Variants in ADGRL3 observed in about 807,000 individuals in gnomAD.
The protein encoded by ADGRL3 is calcium-independent alpha-latrotoxin receptor 3.
Under a neutral mutation model 153.5 loss-of-function variants are expected in ADGRL3, and 62 were observed. The observed-to-expected ratio is 0.40, with a 90% confidence interval of 0.33 to 0.50. The LOEUF (loss-of-function observed/expected upper bound fraction) is 0.50, where lower values mean the gene tolerates loss of function less well. ADGRL3 is among the 20% of genes least tolerant of loss of function. The probability of loss-of-function intolerance (pLI) is 0.47; values close to 1 mark genes in which losing one functional copy is unlikely to be tolerated. For synonymous variants in ADGRL3, 710 were observed against 672.5 expected (o/e 1.06, Z -0.86); for missense variants, 1,641 against 1,859.4 (o/e 0.88, Z 2.16).
chr4:61,287,313 T>A, intron 1 of ADGRL3, among the ~76,000 whole-genome samples: 1 of 151,868 alleles, frequency 6.6e-6, no homozygotes, highest in East Asian at 1.9e-4. Flanking sequence ...CCTGCAAGAG[T>A]AAAAATACAT....
At chr4:61,428,882 ATCTATCTAT>A (rs2097317112) in intron 2 of ADGRL3, among the ~76,000 whole-genome samples, 1 of 93,670 alleles carries the variant, frequency 1.1e-5, no homozygotes, top group African/African-American at 3.3e-5. Flanking sequence ...TATATCATCT[ATCTATCTAT>A]ATCATCTATC....
Position 61,391,050 on chromosome 4 carries a change from A to C in ADGRL3, c.-174+7861A>C, listed in dbSNP as rs928025862. Among the ~76,000 whole-genome samples, 8 of 152,300 alleles carry C rather than the reference A, an allele frequency of 5.3e-5. No homozygotes were observed. The South Asian group carries it at 1.4e-3, about 28-fold the overall frequency. On this transcript the variant is annotated intron_variant, in intron 2 of 26. Coordinates refer to ENST00000683033, the MANE Select transcript of ADGRL3 (RefSeq NM_001387552.1). The stretch of plus-strand genomic sequence containing the variant: ...TTCATTTATCTACCTATTGAAAAAC[A>C]CTTGAGTTATTTCTAATTTGTAATG...
chr4:61,698,850 G>T lies in ADGRL3; in HGVS notation c.583+21915G>T, dbSNP rs573045340. Among the ~76,000 whole-genome samples the T allele has an allele frequency of 3.3e-5, 5 of 152,182 alleles. No individual in the cohort carries two copies. In the East Asian group the frequency reaches 9.7e-4, roughly 29 times the overall value. On this transcript the variant is annotated intron_variant, in intron 6 of 26. Coordinates refer to ENST00000683033, the MANE Select transcript of ADGRL3 (RefSeq NM_001387552.1). The stretch of plus-strand genomic sequence containing the variant: ...ATGTAAATAGAAGACTATTCTTAAC[G>T]CTATGGGTGGTATTATTTAATCCAG...
At chr4:61,501,134 T>G (rs2098382490) in intron 3 of ADGRL3, among the ~76,000 whole-genome samples, 1 of 152,168 alleles carries the variant, frequency 6.6e-6, no homozygotes, top group Non-Finnish European at 1.5e-5. Flanking sequence ...ACTGGCTCTG[T>G]AATCCTGTTT....
At chr4:61,779,633 CAAAAAAA>C (rs1174232668) in intron 8 of ADGRL3, among the ~76,000 whole-genome samples, 12 of 42,094 alleles carry the variant, frequency 2.9e-4, no homozygotes, top group South Asian at 1.3e-3. Flanking sequence ...GACTCTGTCT[CAAAAAAA>C]AAAAAAAAAA....
At chr4:61,995,621 G>A (rs897001820) in intron 19 of ADGRL3, among the ~76,000 whole-genome samples, 3 of 152,082 alleles carry the variant, frequency 2.0e-5, no homozygotes, top group Non-Finnish European at 2.9e-5. Flanking sequence ...CCTGAAGAAC[G>A]AAAATGTAAT....
intron 9 of ADGRL3, among the ~76,000 whole-genome samples, chr4:61,838,060 A>T (rs1330562842): frequency 6.6e-6 from 1 of 152,068 alleles, no homozygotes; most frequent in East Asian, 1.9e-4. Flanking sequence ...AAAAAGAAAG[A>T]GAAAGAAAAT....
Position 61,892,910 on chromosome 4 carries a change from A to G in ADGRL3, c.1735A>G (p.Thr579Ala), listed in dbSNP as rs1280293348. The change falls in exon 10 of 27, where the codon ACT (threonine) becomes GCT (alanine). Residue 579 changes from threonine (T) to alanine (A), a missense_variant. Around this residue, in one of 5 missense-constraint regions of ADGRL3, gnomAD observed 734 missense variants for 797.0 expected, o/e 0.92. Transcript: ENST00000683033. Reference sequence around the variant, plus strand: ...AGCCCGAGAAATCATGTGGTTTAAGACTCGTCAAGGACAGATAGCAAAGCA... The same window carrying G: ...AGCCCGAGAAATCATGTGGTTTAAGGCTCGTCAAGGACAGATAGCAAAGCA... ...VEAREIMWFK[T>A]RQGQIAKQPC... 1.3e-6 allele frequency: 2 copies of G among 1,573,882 alleles called. No homozygotes were observed. Among genetic ancestry groups the G allele is most frequent in the Non-Finnish European group, 1.7e-6 (2 of 1,164,728 alleles).
chr4:61,951,943 A>G (rs1396704181), intron 17 of ADGRL3, among the ~76,000 whole-genome samples: 1 of 152,166 alleles, frequency 6.6e-6, no homozygotes, highest in Non-Finnish European at 1.5e-5. Flanking sequence ...AAGGGTGTCT[A>G]GGGCGTAGAC....
rs1561350563 is a variant in ADGRL3 at position 61,847,634 on chromosome 4, TTATATATATAATATAAAATATATTA to T, written c.1480+33754_1480+33778del. Among the ~76,000 whole-genome samples the T allele has an allele frequency of 3.5e-4, 15 of 42,554 alleles. 2 individuals carry two copies. The highest frequency in any genetic ancestry group is 5.6e-4 in the East Asian group (1 of 1,800). The allele number at this position is 42,554 out of a possible 152,430, so 27.9% of individuals were successfully genotyped here. The stretch of plus-strand genomic sequence containing the variant: ...TATTATATATATAATATAAAATATA[TTATATATATAATATAAAATATATTA>T]TATATATAATATAAAATATATTATA... On this transcript the variant is annotated intron_variant, in intron 9 of 26. Transcript: ENST00000683033.
intron 8 of ADGRL3, among the ~76,000 whole-genome samples, chr4:61,772,002 T>C (rs1191025041): frequency 3.3e-5 from 5 of 152,172 alleles, no homozygotes; most frequent in African/African-American, 9.7e-5. Flanking sequence ...TATCTAACAG[T>C]TGGCTACCTA....
intron 5 of ADGRL3, among the ~76,000 whole-genome samples, 178 bp downstream of exon 5, chr4:61,587,618 G>C (rs553294741): frequency 2.6e-5 from 4 of 152,018 alleles, no homozygotes; most frequent in African/African-American, 9.7e-5. Flanking sequence ...AACAGCATTT[G>C]GAAAGTATTA....
chr4:61,783,235 A>G (rs1370558051), intron 8 of ADGRL3, among the ~76,000 whole-genome samples: 1 of 152,134 alleles, frequency 6.6e-6, no homozygotes, highest in Non-Finnish European at 1.5e-5. Flanking sequence ...GGATTTCATT[A>G]TGATTGTGGC....
At chr4:61,683,698 T>C (rs1156325476) in intron 6 of ADGRL3, among the ~76,000 whole-genome samples, 4 of 152,148 alleles carry the variant, frequency 2.6e-5, no homozygotes, top group Non-Finnish European at 5.9e-5. Context: ...AAACAGGAAG[T>C]TCTCAATCCA....
intron 5 of ADGRL3, among the ~76,000 whole-genome samples, chr4:61,603,717 AGT>A (rs1553977286): frequency 2.1e-5 from 3 of 146,078 alleles, no homozygotes; most frequent in Admixed American, 6.8e-5. Flanking sequence ...CATCCCTCTT[AGT>A]GTGTGTGTGT....
rs574642930 is a variant in ADGRL3, at chr4:61,358,545, G to C, written c.-239-24579G>C. ...TCGGGAGGCGGAGCTTGCAGTGAGT[G>C]GAGATCGTGCCACTGCACTCCAGCC... On this transcript the variant is annotated intron_variant, in intron 1 of 26. Transcript: ENST00000683033. Among the ~76,000 whole-genome samples, 518 of 145,546 alleles carry C rather than the reference G, an allele frequency of 3.6e-3. 7 individuals carry two copies. Among genetic ancestry groups the C allele is most frequent in the African/African-American group, 0.012 (490 of 39,690 alleles).
intron 18 of ADGRL3, among the ~76,000 whole-genome samples, chr4:61,981,798 A>G (rs561480017): frequency 3.9e-5 from 6 of 152,150 alleles, no homozygotes; most frequent in African/African-American, 9.6e-5. Context: ...GTTTTCTGGT[A>G]TGTGTCCATA....
intron 2 of ADGRL3, among the ~76,000 whole-genome samples, chr4:61,446,231 C>T (rs2097580544): frequency 2.0e-5 from 3 of 152,194 alleles, no homozygotes; most frequent in Admixed American, 2.0e-4. Context: ...GGAAAAGCAA[C>T]TAAATGTGTG....
intron 8 of ADGRL3, among the ~76,000 whole-genome samples, chr4:61,805,946 G>A (rs981119340): frequency 1.3e-5 from 2 of 151,452 alleles, no homozygotes; most frequent in African/African-American, 4.9e-5. Context: ...CAATTAAACA[G>A]AATTAGTTGC....
Sources: gnomAD v4.1 joint callset for allele counts (sites outside exome capture counted in the v4.1 genomes callset) on GRCh38, gnomAD v4.1.1 for gene constraint, gnomAD v4.1.1 regional missense constraint, MANE v1.5 for transcripts, NCBI Gene and HGNC (gene_info 2026-07-23, HGNC 2026-07-21) for gene names.